Variants in MRAP2 observed in about 807,000 individuals in gnomAD.
MRAP2 encodes melanocortin-2 receptor accessory protein 2.
A neutral mutation model predicts 17.4 loss-of-function variants in MRAP2; 20 were observed. The observed-to-expected ratio is 1.15, with a 90% CI of 0.81 to 1.67. The LOEUF is 1.67. Among genes scored for constraint, MRAP2 ranks in the 40% most tolerant of loss-of-function variants. MRAP2 has a pLI of 0.00. For missense variants in MRAP2, 238 were observed against 240.0 expected, an observed-to-expected ratio of 0.99 and a Z score of 0.05; for synonymous variants, 96 against 88.4, an observed-to-expected ratio of 1.09 and a Z score of -0.48.
intron 2 of MRAP2, among the ~76,000 whole-genome samples, chr6:84,058,562 C>G (rs1020210927): frequency 6.6e-6 from 1 of 151,648 alleles, no homozygotes; most frequent in Non-Finnish European, 1.5e-5. Context: ...GGAGAGGTGT[C>G]GGGGGAAGCC....
At chr6:84,094,324 T>C (rs2099502296), downstream of MRAP2, among the ~76,000 whole-genome samples, 1 of 152,188 alleles carries the variant, frequency 6.6e-6, no homozygotes, top group Admixed American at 6.5e-5. Flanking sequence ...TTTAGTGTTT[T>C]TGCAATATAA....
At chr6:84,099,281 T>C in the MRAP2 span, among the ~76,000 whole-genome samples, 7 of 151,216 alleles carry the variant, frequency 4.6e-5, no homozygotes, top group East Asian at 1.4e-3. Flanking sequence ...TTACTGAAAA[T>C]CAGTTGTCTA....
the MRAP2 span, among the ~76,000 whole-genome samples, chr6:84,133,103 G>A: frequency 2.0e-5 from 3 of 152,316 alleles, no homozygotes; most frequent in Admixed American, 2.0e-4. Context: ...CTGCAGGTCT[G>A]TTGGGAGTTT....
rs756276411 is a variant in MRAP2, at chr6:84,089,218, T to C, written c.355T>C (p.Tyr119His). ...NEESRSLFHC[Y>H]INEVERLDRA... Reference sequence around the variant, plus strand: ...GGAGTCCAGGTCTCTCTTTCACTGCTACATCAATGAGGTGGAACGCTTGGA... The same window carrying C: ...GGAGTCCAGGTCTCTCTTTCACTGCCACATCAATGAGGTGGAACGCTTGGA... The change falls in exon 4 of 4, where the codon TAC becomes CAC. Residue 119 changes from tyrosine (Y) to histidine (H), a missense_variant. Coordinates refer to ENST00000257776, the MANE Select transcript of MRAP2 (RefSeq NM_138409.4). The C allele has an allele frequency of 1.2e-6, 2 of 1,614,228 alleles. No individual in the cohort carries two copies. The highest frequency in any genetic ancestry group is 1.7e-6 in the Non-Finnish European group (2 of 1,180,040).
the MRAP2 span, among the ~76,000 whole-genome samples, chr6:84,121,427 T>C: frequency 1.3e-5 from 2 of 152,152 alleles, no homozygotes; most frequent in African/African-American, 4.8e-5. Context: ...GCAGATCACC[T>C]GAGGTCAGGA....
chr6:84,065,074 G>C (rs60732243), intron 3 of MRAP2, among the ~76,000 whole-genome samples: 20,497 of 152,084 alleles, frequency 0.13, 1,482 homozygotes, highest in Middle Eastern at 0.27. Flanking sequence ...TGCTTGAGCT[G>C]AGGAGTTCGA....
chr6:84,077,665 T>A (rs1350565717), intron 3 of MRAP2, among the ~76,000 whole-genome samples: 2 of 152,238 alleles, frequency 1.3e-5, no homozygotes, highest in Non-Finnish European at 2.9e-5. Flanking sequence ...TTGATGTTAT[T>A]GTGAATGGAG....
At chr6:84,088,695 GC>G (rs1184682223) in intron 3 of MRAP2, among the ~76,000 whole-genome samples, 2 of 152,270 alleles carry the variant, frequency 1.3e-5, no homozygotes, top group African/African-American at 4.8e-5. Flanking sequence ...ATATGAAAAT[GC>G]TTATTACTGA....
the MRAP2 span, among the ~76,000 whole-genome samples, chr6:84,130,673 A>G: frequency 6.6e-6 from 1 of 152,102 alleles, no homozygotes; most frequent in Non-Finnish European, 1.5e-5. Flanking sequence ...CTCTCATGGT[A>G]GTGTGTATTT....
chr6:84,046,851 G>A (rs2099489184), intron 1 of MRAP2, among the ~76,000 whole-genome samples: 1 of 151,500 alleles, frequency 6.6e-6, no homozygotes. Context: ...ACTGGTCAGG[G>A]TGAGAGGACC....
chr6:84,085,104 G>T (rs1444811051), intron 3 of MRAP2, among the ~76,000 whole-genome samples: 1 of 151,558 alleles, frequency 6.6e-6, no homozygotes, highest in Non-Finnish European at 1.5e-5. Context: ...CCCCAGGCTG[G>T]AGTGCAGTGG....
At chr6:84,122,974 T>C in the MRAP2 span, among the ~76,000 whole-genome samples, 2 of 151,432 alleles carry the variant, frequency 1.3e-5, no homozygotes, top group African/African-American at 4.9e-5. Flanking sequence ...TCAATCCCAT[T>C]TATAATAGCT....
At chr6:84,129,336 C>A in the MRAP2 span, among the ~76,000 whole-genome samples, 1 of 152,214 alleles carries the variant, frequency 6.6e-6, no homozygotes, top group South Asian at 2.1e-4. Flanking sequence ...TATTTCTCCG[C>A]ATCCTCTCCA....
intron 3 of MRAP2, among the ~76,000 whole-genome samples, chr6:84,074,226 T>C (rs1490714016): frequency 6.6e-6 from 1 of 152,186 alleles, no homozygotes; most frequent in African/African-American, 2.4e-5. Context: ...CTTGGCTGTG[T>C]CTCAAAGTGA....
chr6:84,084,068 GATA>G (rs939339567), intron 3 of MRAP2, among the ~76,000 whole-genome samples: 1 of 151,896 alleles, frequency 6.6e-6, no homozygotes, highest in Non-Finnish European at 1.5e-5. Context: ...ATAGCAGTTT[GATA>G]ATAATAATAA....
intron 1 of MRAP2, among the ~76,000 whole-genome samples, chr6:84,040,083 A>T (rs1482419131): frequency 6.6e-6 from 1 of 152,058 alleles, no homozygotes; most frequent in African/African-American, 2.4e-5. Context: ...CATAATCCCC[A>T]TGTGTCGTGG....
intron 1 of MRAP2, among the ~76,000 whole-genome samples, chr6:84,052,221 G>A (rs1053181077): frequency 3.9e-5 from 6 of 152,164 alleles, no homozygotes; most frequent in Non-Finnish European, 8.8e-5. Context: ...CATACAGAGA[G>A]CAGCTGCCCG....
chr6:84,112,152 TG>T, the MRAP2 span, among the ~76,000 whole-genome samples: 1 of 152,170 alleles, frequency 6.6e-6, no homozygotes, highest in African/African-American at 2.4e-5. Flanking sequence ...CTTTTTCTAT[TG>T]TTTGGAATAG....
chr6:84,043,486 A>G (rs766959279), intron 1 of MRAP2, among the ~76,000 whole-genome samples: 14 of 152,216 alleles, frequency 9.2e-5, no homozygotes, highest in Non-Finnish European at 1.9e-4. Context: ...GAGGAAGTCC[A>G]GCTTGCAGGT....
Sources: allele counts gnomAD v4.1 joint callset (sites outside exome capture counted in the v4.1 genomes callset), GRCh38; gene constraint gnomAD v4.1.1; transcripts MANE v1.5; gene names NCBI Gene and HGNC (gene_info 2026-07-23, HGNC 2026-07-21).